The following ANKRD36C variants were observed in gnomAD, a reference collection of about 807,000 sequenced individuals.
ANKRD36C encodes ankyrin repeat domain 36C.
ANKRD36C carries 61 observed loss-of-function variants against 276.4 expected under a neutral mutation model. That is an observed-to-expected ratio of 0.22 (90% CI 0.18 to 0.27). ANKRD36C has a LOEUF of 0.27. Among genes scored for constraint, ANKRD36C ranks in the 10% least tolerant of loss-of-function variants. ANKRD36C has a pLI of 1.00. For missense variants in ANKRD36C, 1,447 were observed against 2,032.3 expected, an observed-to-expected ratio of 0.71 and a Z score of 5.54; for synonymous variants, 483 against 680.1, an observed-to-expected ratio of 0.71 and a Z score of 4.51.
chr2:95,948,818 A>G (rs1573794604), intron 16 of ANKRD36C, among the ~76,000 whole-genome samples: 2 of 152,068 alleles, frequency 1.3e-5, no homozygotes, highest in African/African-American at 2.4e-5. Context: ...CACTTCTCCC[A>G]ACCTATGAAA....
chr2:95,980,861 A>T (rs955951077), intron 4 of ANKRD36C, 76 bp from the exon 5 acceptor site: 5 of 1,506,044 alleles, frequency 3.3e-6, no homozygotes, highest in Non-Finnish European at 4.5e-6. Flanking sequence ...TCAACTTAAT[A>T]TGTTGCCTGT....
At chr2:95,982,859 CA>C (rs1246627814) in intron 3 of ANKRD36C, among the ~76,000 whole-genome samples, 1 of 130,418 alleles carries the variant, frequency 7.7e-6, no homozygotes, top group Non-Finnish European at 1.6e-5. Context: ...CATTATACCC[CA>C]AAAGAGAGAC....
At chr2:95,856,563 C>T (rs1406324360) in intron 62 of ANKRD36C, among the ~76,000 whole-genome samples, 2 of 152,068 alleles carry the variant, frequency 1.3e-5, no homozygotes, top group East Asian at 3.9e-4. Flanking sequence ...ATAGTGAGAG[C>T]CTTAGCTTGG....
chr2:95,910,578 A>C lies in ANKRD36C; in HGVS notation c.2653+1666T>G. On this transcript the variant is annotated intron_variant, in intron 42 of 66. Coordinates refer to ENST00000456556, the Ensembl canonical transcript of ANKRD36C. The stretch of plus-strand genomic sequence containing the variant: ...GGTTTCTGAGAAGACACTGAAAAGC[A>C]AAAGGGATTCATAATCACTCATATG... 2 of 1,605,620 alleles carry C rather than the reference A, an allele frequency of 1.2e-6. No homozygotes were observed. The highest frequency in any genetic ancestry group is 2.2e-5 in the South Asian group (2 of 90,844).
At chr2:95,973,604 A>C (rs1362276793) in intron 6 of ANKRD36C, among the ~76,000 whole-genome samples, 1 of 152,230 alleles carries the variant, frequency 6.6e-6, no homozygotes, top group Non-Finnish European at 1.5e-5. Context: ...ACTAAAAATC[A>C]TCTGTTAAGG....
intron 42 of ANKRD36C, among the ~76,000 whole-genome samples, 154 bp from the exon 53 acceptor site, chr2:95,903,235 G>A (rs530336113): frequency 1.9e-4 from 28 of 150,346 alleles, no homozygotes; most frequent in East Asian, 4.0e-4. Flanking sequence ...AGAACATGAC[G>A]GAAATATGCT....
downstream of ANKRD36C, among the ~76,000 whole-genome samples, chr2:95,850,493 G>A (rs1164698919): frequency 6.6e-6 from 1 of 152,212 alleles, no homozygotes; most frequent in Non-Finnish European, 1.5e-5. Context: ...AGGATAGAGG[G>A]AAGAAGTAAA....
chr2:95,910,394 C>A, intron 42 of ANKRD36C: 3 of 1,546,870 alleles, frequency 1.9e-6, no homozygotes, highest in Non-Finnish European at 1.7e-6. Flanking sequence ...TTTTCTCCAT[C>A]CTTTTCTTCT....
At chr2:95,962,174 A>C (rs1238618857) in intron 8 of ANKRD36C, among the ~76,000 whole-genome samples, 178 bp downstream of exon 8, 1 of 152,070 alleles carries the variant, frequency 6.6e-6, no homozygotes, top group Non-Finnish European at 1.5e-5. Context: ...CTTACTACTC[A>C]GATCATGGCC....
intron 44 of ANKRD36C, 113 bp downstream of exon 64, chr2:95,893,420 G>T (rs1422068600): frequency 1.8e-5 from 26 of 1,422,464 alleles, no homozygotes; most frequent in Non-Finnish European, 2.3e-5. Flanking sequence ...AGAATCTCCG[G>T]CCTGCTGAAT....
chr2:95,931,605 C>T (rs1677572595), intron 24 of ANKRD36C, among the ~76,000 whole-genome samples: 2 of 149,030 alleles, frequency 1.3e-5, no homozygotes, highest in Non-Finnish European at 3.0e-5. Context: ...GACAGTCTCT[C>T]CTTGATGCAC....
intron 24 of ANKRD36C, among the ~76,000 whole-genome samples, chr2:95,932,658 G>A (rs372085647): frequency 8.7e-3 from 1,090 of 124,822 alleles, no homozygotes; most frequent in South Asian, 0.032. Flanking sequence ...CAGAATCACC[G>A]TCTTAAAAGG....
intron 48 of ANKRD36C, among the ~76,000 whole-genome samples, chr2:95,889,117 C>A (rs1365888936): frequency 6.6e-6 from 1 of 151,414 alleles, no homozygotes; most frequent in Non-Finnish European, 1.5e-5. Flanking sequence ...ATCTCTGATG[C>A]CTAATAGTAA....
At position 95,923,610 on chromosome 2, in the gene ANKRD36C, T is replaced by G. The variant is rs754730328; in HGVS notation, c.2071-43A>C. On this transcript the variant is annotated intron_variant, in intron 31 of 66. Transcript: ENST00000456556. ...CAAATTATCAATAAAGAAAGTATGT[T>G]TCATGGACTATACAGTTACTAATAC... 38 of 1,608,654 alleles carry G rather than the reference T, an allele frequency of 2.4e-5. No individual in the cohort carries two copies. The African/African-American group carries it at 2.9e-4, about 12-fold the overall frequency.
intron 36 of ANKRD36C, 113 bp downstream of exon 38, chr2:95,917,742 G>C (rs1345496318): frequency 3.7e-6 from 5 of 1,335,008 alleles, no homozygotes; most frequent in African/African-American, 1.5e-5. Context: ...TGCTGGATCA[G>C]AATGTGCAGC....
Position 95,855,927 on chromosome 2 carries a change from G to A in ANKRD36C, c.4334C>T (p.Thr1445Met), listed in dbSNP as rs756398168. Residue 1445 changes from threonine (T) to methionine (M), a missense_variant, in exon 63 of 67, where the codon ACG becomes ATG. Thr to Met is a moderately conservative substitution (Grantham distance 81). Transcript: ENST00000456556. ...TTGCTTCTCCAGTTTAGAACGGAGC[G>A]TTGTGTTTTCATCCGTCAGAGCAGC... 26 of 1,613,474 alleles carry A rather than the reference G, an allele frequency of 1.6e-5. No homozygotes were observed. In the African/African-American group the frequency reaches 3.1e-4, roughly 19 times the overall value.
intron 59 of ANKRD36C, among the ~76,000 whole-genome samples, chr2:95,874,778 C>T (rs1456029574): frequency 2.0e-5 from 3 of 152,222 alleles, no homozygotes; most frequent in Non-Finnish European, 4.4e-5. Context: ...GCAACCTACT[C>T]ATCTGACGAA....
intron 13 of ANKRD36C, among the ~76,000 whole-genome samples, chr2:95,954,640 T>C (rs1678285391): frequency 6.6e-6 from 1 of 152,190 alleles, no homozygotes; most frequent in Non-Finnish European, 1.5e-5. Context: ...TGTTAGATTG[T>C]TATTGGGAAT....
intron 19 of ANKRD36C, among the ~76,000 whole-genome samples, chr2:95,943,467 G>C (rs1413185023): frequency 6.7e-6 from 1 of 148,344 alleles, no homozygotes; most frequent in African/African-American, 2.5e-5. Context: ...CTGGGAGACA[G>C]AGCGAGACTC....
Sources: gnomAD v4.1 joint callset for allele counts (sites outside exome capture counted in the v4.1 genomes callset) on GRCh38, gnomAD v4.1.1 for gene constraint, MANE v1.5 for transcripts, NCBI Gene and HGNC (gene_info 2026-07-23, HGNC 2026-07-21) for gene names.